The following GALNT14 variants were observed in gnomAD, a reference collection of about 807,000 sequenced individuals.
GALNT14 encodes the protein UDP-GalNAc:polypeptide N-acetylgalactosaminyltransferase 14.
A neutral mutation model predicts 77.5 loss-of-function variants in GALNT14; 60 were observed. The observed-to-expected ratio is 0.77, with a 90% confidence interval of 0.63 to 0.96. The LOEUF (loss-of-function observed/expected upper bound fraction) is 0.96. Ranked by LOEUF, GALNT14 falls within the 40% of genes least tolerant of loss-of-function variation. The pLI is 0.00. For synonymous variants in GALNT14, 280 were observed against 281.7 expected, an observed-to-expected ratio of 0.99 and a Z score of 0.06; for missense variants, 710 against 731.0, an observed-to-expected ratio of 0.97 and a Z score of 0.33.
At position 31,066,121 on chromosome 2, in the gene GALNT14, A is replaced by G. The variant is rs1674939691; in HGVS notation, c.129+71837T>C. On this transcript the variant is annotated intron_variant, in intron 1 of 14. Coordinates refer to ENST00000349752, the MANE Select transcript of GALNT14 (RefSeq NM_024572.4). ...GTGCCCAGAGGAGGAGGCATACATG[A>G]CAGGGCCCTTTTTCATGGCCCTGTT... Among the ~76,000 whole-genome samples, 4 of 152,148 alleles carry G rather than the reference A, an allele frequency of 2.6e-5. No homozygotes were observed. The South Asian group carries it at 8.3e-4, about 32-fold the overall frequency.
At chr2:30,950,963 G>C (rs1666988915) in intron 6 of GALNT14, among the ~76,000 whole-genome samples, 1 of 152,208 alleles carries the variant, frequency 6.6e-6, no homozygotes, top group Admixed American at 6.5e-5. Flanking sequence ...CCCAAAGAAA[G>C]CAAGGCTCCC....
In GALNT14 at chr2:31,060,578, T is replaced by C. The variant is rs10186263; in HGVS notation, c.130-67571A>G. On this transcript the variant is annotated intron_variant, in intron 1 of 14. Transcript: ENST00000349752. ...TAACTACAGTCCTGCTAATAAATGC[T>C]GTAATAGCAGCTCCTCAGAACTGTG... Among the ~76,000 whole-genome samples, 603 of 152,344 alleles carry C rather than the reference T, an allele frequency of 4.0e-3. 4 individuals are homozygous for C. The highest frequency in any genetic ancestry group is 0.014 in the African/African-American group (565 of 41,572).
At chr2:31,018,136 A>G (rs1671493983) in intron 1 of GALNT14, among the ~76,000 whole-genome samples, 1 of 152,252 alleles carries the variant, frequency 6.6e-6, no homozygotes, top group Non-Finnish European at 1.5e-5. Flanking sequence ...GCAAGTAGCA[A>G]GAAGGGTGAG....
At chr2:31,038,085 T>TATATATATATATATATATATATATATATA (rs1491282655) in intron 1 of GALNT14, among the ~76,000 whole-genome samples, 39 of 38,916 alleles carry the variant, frequency 1.0e-3, no homozygotes, top group African/African-American at 2.0e-3. Context: ...TATATATATA[T>TATATATATATATATATATATATATATATA]TTTTTTTTTT....
intron 1 of GALNT14, among the ~76,000 whole-genome samples, chr2:31,000,326 C>T (rs901208939): frequency 1.3e-4 from 20 of 152,108 alleles, no homozygotes; most frequent in African/African-American, 4.6e-4. Context: ...GAGGAGCTTG[C>T]TTGTCTCAGG....
intron 11 of GALNT14, among the ~76,000 whole-genome samples, chr2:30,925,861 G>A (rs373377443): frequency 1.3e-5 from 2 of 152,298 alleles, no homozygotes; most frequent in African/African-American, 4.8e-5. Context: ...GGCAAAGCTG[G>A]GGCCAGGGAG....
rs76671348 is a variant in GALNT14 at position 31,051,681 on chromosome 2, G to A, written c.130-58674C>T. 6.6e-3 allele frequency among the ~76,000 whole-genome samples: 1,011 copies of A among 152,268 alleles called. 12 individuals carry two copies. The highest frequency in any genetic ancestry group is 0.022 in the African/African-American group (930 of 41,556). On this transcript the variant is annotated intron_variant, in intron 1 of 14. Coordinates refer to ENST00000349752, the MANE Select transcript of GALNT14 (RefSeq NM_024572.4). Reference sequence around the variant, plus strand: ...AACCTTGACTAATACCAGGCAAGCCGAGGGCCTGGAGATCATGGGCAGGGA... The same window carrying A: ...AACCTTGACTAATACCAGGCAAGCCAAGGGCCTGGAGATCATGGGCAGGGA...
intron 13 of GALNT14, among the ~76,000 whole-genome samples, chr2:30,919,210 C>T (rs530637452): frequency 1.4e-4 from 18 of 127,050 alleles, no homozygotes; most frequent in East Asian, 2.4e-4. Context: ...TTAACCTTCT[C>T]GGGCTTCACA....
intron 1 of GALNT14, among the ~76,000 whole-genome samples, chr2:31,036,561 C>A (rs1266760042): frequency 6.6e-6 from 1 of 152,146 alleles, no homozygotes; most frequent in Non-Finnish European, 1.5e-5. Context: ...CATTTAATTA[C>A]CTTTTTTGTT....
the GALNT14 span, among the ~76,000 whole-genome samples, chr2:30,896,676 A>C: frequency 4.3e-4 from 66 of 152,278 alleles, no homozygotes; most frequent in African/African-American, 1.5e-3. Flanking sequence ...TTAAGAAATT[A>C]AGCCTGGTTA....
At chr2:31,062,370 G>T (rs1261036011) in intron 1 of GALNT14, among the ~76,000 whole-genome samples, 1 of 152,108 alleles carries the variant, frequency 6.6e-6, no homozygotes, top group Non-Finnish European at 1.5e-5. Flanking sequence ...CTTCATCAAT[G>T]TTCTTACAAA....
chr2:30,987,860 T>A (rs2148393280), intron 2 of GALNT14, among the ~76,000 whole-genome samples: 1 of 152,312 alleles, frequency 6.6e-6, no homozygotes, highest in African/African-American at 2.4e-5. Flanking sequence ...TTTCAGGCAC[T>A]GTCCAAACGC....
intron 1 of GALNT14, among the ~76,000 whole-genome samples, chr2:31,038,080 ATATATTTTTTTTTTTTTTTT>A (rs1468676356): frequency 2.8e-5 from 2 of 72,474 alleles, no homozygotes; most frequent in African/African-American, 1.4e-4. Context: ...ATATATATAT[ATATATTTTTTTTTTTTTTTT>A]TTTTTTTTTT....
chr2:30,889,741 A>C, the GALNT14 span, among the ~76,000 whole-genome samples: 6 of 152,176 alleles, frequency 3.9e-5, no homozygotes, highest in Non-Finnish European at 7.3e-5. Context: ...CTTTTCTGTA[A>C]ACCTAGATTT....
chr2:31,007,171 T>C (rs1231009335), intron 1 of GALNT14, among the ~76,000 whole-genome samples: 2 of 152,124 alleles, frequency 1.3e-5, no homozygotes, highest in Admixed American at 6.5e-5. Flanking sequence ...TGAATATGGA[T>C]AGGGCAGGAT....
intron 1 of GALNT14, among the ~76,000 whole-genome samples, chr2:31,002,793 C>T (rs776319426): frequency 6.6e-6 from 1 of 152,170 alleles, no homozygotes; most frequent in Non-Finnish European, 1.5e-5. Context: ...TTCCCCACAG[C>T]GTGCAGAACA....
At chr2:31,024,518 C>T (rs1482450197) in intron 1 of GALNT14, among the ~76,000 whole-genome samples, 2 of 152,196 alleles carry the variant, frequency 1.3e-5, no homozygotes, top group African/African-American at 4.8e-5. Flanking sequence ...ACCTGCTGCT[C>T]CTTCTACCTG....
chr2:30,978,205 T>C (rs1398601931), intron 2 of GALNT14, among the ~76,000 whole-genome samples: 1 of 152,220 alleles, frequency 6.6e-6, no homozygotes, highest in African/African-American at 2.4e-5. Flanking sequence ...CTCCCTAGAT[T>C]CTGTTACCTT....
intron 6 of GALNT14, among the ~76,000 whole-genome samples, chr2:30,951,609 T>A (rs1667032156): frequency 1.3e-5 from 2 of 152,262 alleles, no homozygotes; most frequent in Admixed American, 1.3e-4. Flanking sequence ...AAATGGTAAC[T>A]TTCATTATAT....
Sources: gnomAD v4.1 joint callset for allele counts (sites outside exome capture counted in the v4.1 genomes callset) on GRCh38, gnomAD v4.1.1 for gene constraint, MANE v1.5 for transcripts, NCBI Gene and HGNC (gene_info 2026-07-23, HGNC 2026-07-21) for gene names.